FDPS: variants seen among roughly 807,000 people sequenced by gnomAD.
FDPS encodes the protein farnesyl diphosphate synthase, also known as farnesyl pyrophosphate synthase.
Under a neutral mutation model 49.5 loss-of-function variants are expected in FDPS, and 29 were observed. The ratio of observed to expected loss-of-function variants is 0.59; its 90% CI spans 0.44 to 0.80. The LOEUF (loss-of-function observed/expected upper bound fraction) is 0.80, where lower values mean the gene tolerates loss of function less well. FDPS is among the 30% of genes least tolerant of loss of function. The probability of loss-of-function intolerance (pLI) is 0.00; values close to 1 mark genes in which losing one functional copy is unlikely to be tolerated. For synonymous variants in FDPS, 172 were observed against 206.4 expected (o/e 0.83, Z 1.43); for missense variants, 414 against 525.6 (o/e 0.79, Z 2.08).
In FDPS at chr1:155,319,917, C is replaced by T. The variant is rs1650093022; in HGVS notation, c.1048C>T (p.Gln350Ter). 5 of 1,614,076 alleles carry T rather than the reference C, an allele frequency of 3.1e-6. No individual in the cohort carries two copies. Among genetic ancestry groups the T allele is most frequent in the Non-Finnish European group, 4.2e-6 (5 of 1,179,936 alleles). Reference protein sequence around the residue: ...CLQRATPEQYQILKENYGQKE... With the variant: ...CLQRATPEQY Reference sequence around the variant, plus strand: ...GCAACGGGCCACTCCAGAACAGTACCAGATCCTGAAGGTGCCTGAGAGAGG... The same window carrying T: ...GCAACGGGCCACTCCAGAACAGTACTAGATCCTGAAGGTGCCTGAGAGAGG... Residue 350 changes from glutamine (Q) to a stop codon, truncating the protein, a stop_gained, in exon 10 of 11, where the codon CAG (glutamine) becomes TAG (stop). Coordinates refer to ENST00000368356, the MANE Select transcript of FDPS (RefSeq NM_002004.4). LOFTEE classifies it low-confidence loss of function (END_TRUNC).
At chr1:155,314,097 G>A (rs1345481132) in intron 4 of FDPS, among the ~76,000 whole-genome samples, 2 of 152,010 alleles carry the variant, frequency 1.3e-5, no homozygotes, top group African/African-American at 2.4e-5. Context: ...GATTACAGGC[G>A]TTACAGGTGT....
Position 155,318,401 on chromosome 1 carries a change from A to G in FDPS, c.684+110A>G. 1 of 1,406,054 alleles carries G rather than the reference A, an allele frequency of 7.1e-7. No individual in the cohort carries two copies. Among genetic ancestry groups the G allele is most frequent in the Non-Finnish European group, 9.8e-7 (1 of 1,016,612 alleles). 87.1% of individuals were successfully genotyped at this position (1,406,054 alleles called of 1,614,324 possible). On this transcript the variant is annotated intron_variant, in intron 6 of 10. Coordinates refer to ENST00000368356, the MANE Select transcript of FDPS (RefSeq NM_002004.4). This position sits in a 1 kb window ranked among gnomAD's most constrained non-coding sequence, Gnocchi z 4.2. ...GGGTACAGGATTGCAGCGTGCCTGGAAGGGAAAGAAAGCGAGGAAGGGTGT... is the reference window on the plus strand; with the variant it reads ...GGGTACAGGATTGCAGCGTGCCTGGGAGGGAAAGAAAGCGAGGAAGGGTGT...
Position 155,310,035 on chromosome 1 carries a change from C to G in FDPS, c.177-8C>G. ...ATCAGGTTTCTGACTTGTTTTTCTTCTACTTAGAGCCCTTTGCTCCTCCCT... is the reference window on the plus strand; with the variant it reads ...ATCAGGTTTCTGACTTGTTTTTCTTGTACTTAGAGCCCTTTGCTCCTCCCT... On this transcript the variant is annotated splice_region_variant and splice_polypyrimidine_tract_variant and intron_variant, in intron 2 of 10. Transcript: ENST00000368356. 1 of 1,613,004 alleles carries G rather than the reference C, an allele frequency of 6.2e-7. No individual in the cohort carries two copies. Among genetic ancestry groups the G allele is most frequent in the Non-Finnish European group, 8.5e-7 (1 of 1,179,956 alleles).
At chr1:155,317,708 G>C in intron 4 of FDPS, 1 of 423,298 alleles carries the variant, frequency 2.4e-6, no homozygotes, top group South Asian at 4.1e-5. Context: ...AGCCAGGCAT[G>C]GGGTATGTGC....
chr1:155,316,710 G>A (rs959521236), intron 4 of FDPS, among the ~76,000 whole-genome samples: 1 of 151,534 alleles, frequency 6.6e-6, no homozygotes, highest in African/African-American at 2.4e-5. Flanking sequence ...AGAATCGCTT[G>A]AATTTGGGAG....
chr1:155,315,884 A>C (rs2148241012), intron 4 of FDPS, among the ~76,000 whole-genome samples: 1 of 150,350 alleles, frequency 6.7e-6, no homozygotes, highest in South Asian at 2.1e-4. Context: ...AAAAAAACAC[A>C]CAAACCATGT....
At chr1:155,310,601 G>A (rs1040136979) in intron 3 of FDPS, 19 of 185,974 alleles carry the variant, frequency 1.0e-4, no homozygotes, top group African/African-American at 1.2e-4. Context: ...GTGAGCCACC[G>A]CGCCTGGCCG....
intron 4 of FDPS, among the ~76,000 whole-genome samples, chr1:155,315,686 AAAAAAAC>A (rs781285971): frequency 1.1e-4 from 17 of 151,980 alleles, no homozygotes; most frequent in East Asian, 5.8e-4. Context: ...TCTGTCTCAA[AAAAAAAC>A]AAAAAACAAA....
At chr1:155,319,055 C>T (rs1005899172) in intron 8 of FDPS, 127 bp downstream of exon 8, 24 of 705,452 alleles carry the variant, frequency 3.4e-5, no homozygotes, top group Admixed American at 7.3e-5. Context: ...AAGTCGGTCT[C>T]GCTCAGTCTC....
rs1262788949 is a variant in FDPS, at chr1:155,312,261, G to A, written c.346G>A (p.Glu116Lys). ...DAIARLKEVL[E>K]YNAIGGKYNR... ...CTCTTTCCTTGCCCTCCAGGTCCTG[G>A]AGTACAATGCCATTGGAGGCAAGTA... The change falls in exon 4 of 11, where the codon GAG becomes AAG. Residue 116 changes from glutamate (E) to lysine (K), a missense_variant. Physicochemically the swap from Glu to Lys is moderately conservative, Grantham distance 56. Transcript: ENST00000368356. The A allele has an allele frequency of 1.9e-6, 3 of 1,613,820 alleles. No individual in the cohort carries two copies. Among genetic ancestry groups the A allele is most frequent in the Admixed American group, 1.7e-5 (1 of 59,994 alleles).
chr1:155,312,537 G>A, intron 4 of FDPS, 142 bp downstream of exon 4: 1 of 846,256 alleles, frequency 1.2e-6, no homozygotes, highest in Non-Finnish European at 1.9e-6. Flanking sequence ...AATTTAGAGT[G>A]AATCACTCCA....
At chr1:155,314,152 A>G (rs1572084217) in intron 4 of FDPS, among the ~76,000 whole-genome samples, 1 of 150,006 alleles carries the variant, frequency 6.7e-6, no homozygotes, top group Non-Finnish European at 1.5e-5. Flanking sequence ...CCCTAGCAGC[A>G]CCCTAGTTTC....
chr1:155,310,313 C>CTTT (rs35556344), intron 3 of FDPS, 108 bp downstream of exon 3: 182 of 698,884 alleles, frequency 2.6e-4, no homozygotes, highest in East Asian at 3.3e-4. Context: ...TGAGAGAAAG[C>CTTT]TTTTTTTTTT....
At position 155,318,180 on chromosome 1, in the gene FDPS, T is replaced by A. The variant is rs779023160; in HGVS notation, c.573T>A (p.Gly191=). ...GTCTGTCATGACAGCCGGGCGTGGGTTTGGATGCCATCAATGATGCTAACC... is the reference window on the plus strand; with the variant it reads ...GTCTGTCATGACAGCCGGGCGTGGGATTGGATGCCATCAATGATGCTAACC... The part of the protein sequence containing the change: ...QICWYQKPGV[G]LDAINDANLL... Residue 191 remains glycine (G), a synonymous_variant, in exon 6 of 11, where the codon GGT becomes GGA. Coordinates refer to ENST00000368356, the MANE Select transcript of FDPS (RefSeq NM_002004.4). The surrounding 1 kb of genome is among the most constrained non-coding windows in gnomAD (Gnocchi z 4.2). 7.4e-6 allele frequency: 12 copies of A among 1,614,024 alleles called. No homozygotes were observed. The highest frequency in any genetic ancestry group is 8.5e-6 in the Non-Finnish European group (10 of 1,179,998).
Position 155,318,518 on chromosome 1 carries a change from G to A in FDPS, c.685-147G>A, listed in dbSNP as rs1649770112. ...GATAAAGGACTGTGTGTATGAATAT[G>A]GGCCTTAAGTTTTGGGGCTTTCTCC... On this transcript the variant is annotated intron_variant, in intron 6 of 10. Transcript: ENST00000368356. This position sits in a 1 kb window ranked among gnomAD's most constrained non-coding sequence, Gnocchi z 4.2. 1 of 814,242 alleles carries A rather than the reference G, an allele frequency of 1.2e-6. No individual in the cohort carries two copies. The highest frequency in any genetic ancestry group is 1.5e-5 in the South Asian group (1 of 67,274). 50.4% of individuals were successfully genotyped at this position (814,242 alleles called of 1,614,324 possible). A position where few individuals can be genotyped will look rare whatever the true frequency, so the allele number is the denominator to read the frequency against.
rs534903130 is a variant in FDPS, at chr1:155,317,468, C to G, written c.481-473C>G. On this transcript the variant is annotated intron_variant, in intron 4 of 10. Transcript: ENST00000368356. ...AGTCTGAGCCAAACATGTTATGTCA[C>G]TTTCCAAGTCTCCATAGCACAGAAG... 2.9e-4 allele frequency: 45 copies of G among 154,696 alleles called. No individual in the cohort carries two copies. The South Asian group carries it at 4.1e-3, about 14-fold the overall frequency. The allele number at this position is 154,696 out of a possible 1,614,324, so 9.6% of individuals were successfully genotyped here.
Position 155,318,423 on chromosome 1 carries a change from G to T in FDPS, c.684+132G>T, listed in dbSNP as rs999383227. On this transcript the variant is annotated intron_variant, in intron 6 of 10. Coordinates refer to ENST00000368356, the MANE Select transcript of FDPS (RefSeq NM_002004.4). The surrounding 1 kb of genome is among the most constrained non-coding windows in gnomAD (Gnocchi z 4.2). The stretch of plus-strand genomic sequence containing the variant: ...TGGAAGGGAAAGAAAGCGAGGAAGG[G>T]TGTTGGGAAGTGGGGTTGTGGTAGT... 2.7e-5 allele frequency: 32 copies of T among 1,206,598 alleles called. No homozygotes were observed. The Admixed American group carries it at 5.9e-4, about 22-fold the overall frequency. 74.7% of individuals were successfully genotyped at this position (1,206,598 alleles called of 1,614,324 possible).
chr1:155,318,094 A>T lies in FDPS; in HGVS notation c.561+73A>T. 1 of 1,612,142 alleles carries T rather than the reference A, an allele frequency of 6.2e-7. No homozygotes were observed. Among genetic ancestry groups the T allele is most frequent in the African/African-American group, 1.3e-5 (1 of 74,946 alleles). ...GAGGTGGTTATATATGGCCTGGTTG[A>T]GGTGTTGGGGTGATGGCTCTTAGTA... On this transcript the variant is annotated intron_variant, in intron 5 of 10. Transcript: ENST00000368356. The surrounding 1 kb of genome is among the most constrained non-coding windows in gnomAD (Gnocchi z 4.2).
chr1:155,316,142 CT>C, intron 4 of FDPS, among the ~76,000 whole-genome samples: 1 of 151,494 alleles, frequency 6.6e-6, no homozygotes, highest in East Asian at 2.0e-4. Flanking sequence ...GTAATCCCAG[CT>C]ACTTGGGAGG....
Sources: gnomAD v4.1 joint callset for allele counts (sites outside exome capture counted in the v4.1 genomes callset) on GRCh38, gnomAD v4.1.1 for gene constraint, Gnocchi (gnomAD v3.1) non-coding constraint, MANE v1.5 for transcripts, NCBI Gene and HGNC (gene_info 2026-07-23, HGNC 2026-07-21) for gene names.